The following CTNNA3 variants were observed in gnomAD, a reference collection of about 807,000 sequenced individuals.
CTNNA3 encodes the protein catenin alpha-3.
A neutral mutation model predicts 95.7 loss-of-function variants in CTNNA3; 76 were observed. The ratio of observed to expected loss-of-function variants is 0.79; its 90% CI spans 0.66 to 0.96. CTNNA3 has a LOEUF of 0.96. Among genes scored for constraint, CTNNA3 ranks in the 40% least tolerant of loss-of-function variants. The pLI, the probability that CTNNA3 is intolerant of heterozygous loss-of-function variation, is 0.00. For synonymous variants in CTNNA3, 431 were observed against 374.4 expected, an observed-to-expected ratio of 1.15 and a Z score of -1.74; for missense variants, 1,191 against 1,089.8, an observed-to-expected ratio of 1.09 and a Z score of -1.31.
intron 15 of CTNNA3, among the ~76,000 whole-genome samples, chr10:66,017,912 A>G (rs1252834813): frequency 6.6e-6 from 1 of 152,004 alleles, no homozygotes; most frequent in African/African-American, 2.4e-5. Context: ...TTGCTTTCAT[A>G]TCCTATACGG....
chr10:67,300,905 C>G (rs2132495088), intron 5 of CTNNA3, among the ~76,000 whole-genome samples: 1 of 152,334 alleles, frequency 6.6e-6, no homozygotes, highest in Non-Finnish European at 1.5e-5. Context: ...TAATCAGCAT[C>G]TGCCTGTGAG....
At chr10:66,324,653 T>A (rs1466208873) in intron 12 of CTNNA3, among the ~76,000 whole-genome samples, 1 of 152,090 alleles carries the variant, frequency 6.6e-6, no homozygotes, top group Non-Finnish European at 1.5e-5. Flanking sequence ...TGATGGCAAC[T>A]GAACAAGTGA....
At chr10:67,435,524 G>A (rs1846273177) in intron 5 of CTNNA3, among the ~76,000 whole-genome samples, 1 of 152,064 alleles carries the variant, frequency 6.6e-6, no homozygotes, top group Non-Finnish European at 1.5e-5. Context: ...CAATAAAGAG[G>A]AAGTCAAACT....
At chr10:66,204,593 T>C (rs2087639239) in intron 13 of CTNNA3, among the ~76,000 whole-genome samples, 1 of 152,174 alleles carries the variant, frequency 6.6e-6, no homozygotes, top group Non-Finnish European at 1.5e-5. Flanking sequence ...ATTAATACTA[T>C]CTCCTGGCAC....
chr10:66,853,127 A>G (rs902406875), intron 7 of CTNNA3, among the ~76,000 whole-genome samples: 5 of 152,116 alleles, frequency 3.3e-5, no homozygotes, highest in Admixed American at 1.3e-4. Context: ...ATGATACAGG[A>G]GCACTATATG....
chr10:66,877,964 T>A (rs969364432), intron 7 of CTNNA3, among the ~76,000 whole-genome samples: 2 of 152,150 alleles, frequency 1.3e-5, no homozygotes, highest in Non-Finnish European at 2.9e-5. Flanking sequence ...GTGCTTTGTA[T>A]AATTTACCCA....
At chr10:66,736,209 T>G (rs1294874108) in intron 9 of CTNNA3, among the ~76,000 whole-genome samples, 1 of 151,944 alleles carries the variant, frequency 6.6e-6, no homozygotes, top group Non-Finnish European at 1.5e-5. Flanking sequence ...TTTTTTAGAC[T>G]GAGTCTCGCC....
chr10:66,679,747 G>A (rs981765874), intron 9 of CTNNA3, among the ~76,000 whole-genome samples: 2 of 152,150 alleles, frequency 1.3e-5, no homozygotes, highest in African/African-American at 4.8e-5. Context: ...CAGCAATGAA[G>A]ATAAAGTTGG....
intron 5 of CTNNA3, among the ~76,000 whole-genome samples, chr10:67,287,972 C>T (rs996864326): frequency 1.6e-4 from 25 of 152,238 alleles, no homozygotes; most frequent in African/African-American, 6.0e-4. Context: ...CTCTAATTGA[C>T]ACTGTTCATA....
At chr10:66,094,118 T>C (rs974578438) in intron 14 of CTNNA3, among the ~76,000 whole-genome samples, 9 of 152,086 alleles carry the variant, frequency 5.9e-5, no homozygotes, top group African/African-American at 2.2e-4. Context: ...CAGAGAAGGC[T>C]GGGCTAATCT....
chr10:66,294,161 T>A lies in CTNNA3; in HGVS notation c.1733-13540A>T, dbSNP rs186256196. On this transcript the variant is annotated intron_variant, in intron 12 of 17. Transcript: ENST00000433211. ...ATCATCATGTTTTAAATGAATCATC[T>A]CTATCAAGAGGACATATTTAAATTT... Among the ~76,000 whole-genome samples the A allele has an allele frequency of 2.6e-5, 4 of 152,312 alleles. No homozygotes were observed. In the East Asian group the frequency reaches 7.7e-4, roughly 29 times the overall value.
chr10:67,518,047 C>T (rs1315317164), intron 5 of CTNNA3, among the ~76,000 whole-genome samples: 2 of 152,058 alleles, frequency 1.3e-5, no homozygotes, highest in African/African-American at 4.8e-5. Context: ...TTACTTTATA[C>T]TTGATATATT....
intron 11 of CTNNA3, among the ~76,000 whole-genome samples, chr10:66,461,549 C>G (rs10997145): frequency 0.11 from 17,248 of 151,518 alleles, 1,390 homozygotes; most frequent in African/African-American, 0.23. Flanking sequence ...TTGGGTAGTG[C>G]GTCAATAAGA....
intron 17 of CTNNA3, among the ~76,000 whole-genome samples, chr10:65,964,205 G>C (rs1385821613): frequency 6.6e-6 from 1 of 152,060 alleles, no homozygotes; most frequent in South Asian, 2.1e-4. Flanking sequence ...AAGAACTCAG[G>C]GTCACTGAGA....
chr10:66,831,846 T>A (rs996750669), intron 7 of CTNNA3, among the ~76,000 whole-genome samples: 1 of 152,170 alleles, frequency 6.6e-6, no homozygotes, highest in Non-Finnish European at 1.5e-5. Context: ...TCTTCAGGGA[T>A]GAGATATTCT....
intron 5 of CTNNA3, among the ~76,000 whole-genome samples, chr10:67,374,553 C>T: frequency 6.6e-6 from 1 of 152,144 alleles, no homozygotes; most frequent in East Asian, 1.9e-4. Context: ...CTATATGATA[C>T]TGTATCTCTA....
At chr10:66,518,938 T>C (rs958030047) in intron 11 of CTNNA3, among the ~76,000 whole-genome samples, 5 of 151,980 alleles carry the variant, frequency 3.3e-5, no homozygotes, top group African/African-American at 4.8e-5. Flanking sequence ...ATATAGTTGG[T>C]TTCTGGAATA....
intron 15 of CTNNA3, among the ~76,000 whole-genome samples, chr10:66,040,182 C>T (rs904822886): frequency 6.6e-6 from 1 of 151,604 alleles, no homozygotes; most frequent in Non-Finnish European, 1.5e-5. Context: ...GAGATACTGT[C>T]TTGCACCAGT....
chr10:66,680,441 A>G (rs555458996), intron 9 of CTNNA3, among the ~76,000 whole-genome samples: 1 of 152,304 alleles, frequency 6.6e-6, no homozygotes, highest in South Asian at 2.1e-4. Flanking sequence ...GAGTAGAGGA[A>G]AGGCAATTCA....
Sources: allele counts gnomAD v4.1 joint callset (sites outside exome capture counted in the v4.1 genomes callset), GRCh38; gene constraint gnomAD v4.1.1; transcripts MANE v1.5; gene names NCBI Gene and HGNC (gene_info 2026-07-23, HGNC 2026-07-21).